The following FNTB variants were observed in gnomAD, a reference collection of about 807,000 sequenced individuals.
FNTB encodes farnesyltransferase, CAAX box, subunit beta, also known as protein farnesyltransferase subunit beta.
Under a neutral mutation model 59.4 loss-of-function variants are expected in FNTB, and 27 were observed. That is an observed-to-expected ratio of 0.45 (90% CI 0.34 to 0.63). The LOEUF is 0.63. Ranked by LOEUF, FNTB falls within the 20% of genes least tolerant of loss-of-function variation. The pLI is 0.02. For synonymous variants in FNTB, 230 were observed against 220.7 expected, an observed-to-expected ratio of 1.04 and a Z score of -0.37; for missense variants, 449 against 559.6, an observed-to-expected ratio of 0.80 and a Z score of 1.99.
At chr14:65,041,300 G>T (rs919310481) in intron 8 of FNTB, among the ~76,000 whole-genome samples, 1 of 152,234 alleles carries the variant, frequency 6.6e-6, no homozygotes, top group African/African-American at 2.4e-5. Flanking sequence ...ATTACCTGCT[G>T]CACTGTGTAA....
Position 64,998,913 on chromosome 14 carries a change from C to T in FNTB, c.145-5336C>T, listed in dbSNP as rs527375771. On this transcript the variant is annotated intron_variant, in intron 1 of 11. Transcript: ENST00000246166. ...CATAATAGCCAAAAAATGGAAACAGCCAAATTGTCCACCAGCTGATAAACT... is the reference window on the plus strand; with the variant it reads ...CATAATAGCCAAAAAATGGAAACAGTCAAATTGTCCACCAGCTGATAAACT... 3.3e-5 allele frequency among the ~76,000 whole-genome samples: 5 copies of T among 152,186 alleles called. No homozygotes were observed. The East Asian group carries it at 9.7e-4, about 29-fold the overall frequency.
At chr14:65,004,408 G>A in intron 2 of FNTB, 95 bp downstream of exon 2, 1 of 1,289,356 alleles carries the variant, frequency 7.8e-7, no homozygotes, top group Non-Finnish European at 1.1e-6. Flanking sequence ...ACCACGGGGA[G>A]CATCTGCTGC....
rs1218503954 is a variant in FNTB, at chr14:65,030,028, T to A, written c.605+2247T>A. ...CTGGGTGGAGGGAAAGGGGGAGAAA[T>A]ACATGAAAAGGTTGTATTACGTTTC... On this transcript the variant is annotated intron_variant, in intron 6 of 11. Transcript: ENST00000246166. The surrounding 1 kb of genome is among the most constrained non-coding windows in gnomAD (Gnocchi z 4.5). 6.6e-6 allele frequency among the ~76,000 whole-genome samples: 1 copy of A among 151,946 alleles called. No homozygotes were observed. Among genetic ancestry groups the A allele is most frequent in the African/African-American group, 2.4e-5 (1 of 41,354 alleles).
intron 4 of FNTB, among the ~76,000 whole-genome samples, chr14:65,018,359 G>A (rs903050274): frequency 1.3e-5 from 2 of 152,148 alleles, no homozygotes; most frequent in Middle Eastern, 3.4e-3. Context: ...ATATTTGTAT[G>A]TTAAAATATA....
intron 1 of FNTB, among the ~76,000 whole-genome samples, chr14:65,002,217 C>G (rs532488816): frequency 6.6e-6 from 1 of 152,348 alleles, no homozygotes; most frequent in East Asian, 1.9e-4. Context: ...ATCCTGTTAA[C>G]CAGACGCTCC....
At chr14:65,053,190 A>T (rs776966445) in intron 9 of FNTB, 48 bp from the exon 10 acceptor site, 9 of 1,304,056 alleles carry the variant, frequency 6.9e-6, no homozygotes, top group Non-Finnish European at 8.9e-6. Flanking sequence ...GGTCATTGAT[A>T]CTTGGCTGGA....
At position 64,997,098 on chromosome 14, in the gene FNTB, T is replaced by G. The variant is rs1888425525; in HGVS notation, c.145-7151T>G. Among the ~76,000 whole-genome samples, 1 of 152,170 alleles carries G rather than the reference T, an allele frequency of 6.6e-6. No individual in the cohort carries two copies. ...GTCAGATTTCTCTGATGGTCGTAATTTTGGAAAGACAATCTCCCTTTAGAA... is the reference window on the plus strand; with the variant it reads ...GTCAGATTTCTCTGATGGTCGTAATGTTGGAAAGACAATCTCCCTTTAGAA... On this transcript the variant is annotated intron_variant, in intron 1 of 11. Coordinates refer to ENST00000246166, the MANE Select transcript of FNTB (RefSeq NM_002028.4). The surrounding 1 kb of genome is among the most constrained non-coding windows in gnomAD (Gnocchi z 4.5).
rs1481596704 is a variant in FNTB at position 65,012,170 on chromosome 14, C to A, written c.210-147C>A. ...TCTCTGGTTTAGTTGCTCTTTGGAA[C>A]CAGAGAAGTTGCTGGTTATCCAGTC... On this transcript the variant is annotated intron_variant, in intron 2 of 11. Transcript: ENST00000246166. The surrounding 1 kb of genome is among the most constrained non-coding windows in gnomAD (Gnocchi z 5.0). The A allele has an allele frequency of 1.1e-6, 1 of 881,620 alleles. No homozygotes were observed. Among genetic ancestry groups the A allele is most frequent in the Non-Finnish European group, 1.7e-6 (1 of 571,934 alleles). The allele number at this position is 881,620 out of a possible 1,614,324, so 54.6% of individuals were successfully genotyped here. A position where few individuals can be genotyped will look rare whatever the true frequency, so the allele number is the denominator to read the frequency against.
rs2062864756 is a variant in FNTB, at chr14:65,061,482, CACAGTGGCTGGTTTT to C, written c.*172_*186del. On this transcript the variant is annotated 3_prime_UTR_variant, in exon 12 of 12. Coordinates refer to ENST00000246166, the MANE Select transcript of FNTB (RefSeq NM_002028.4). ...AACCAATGGCTCTGGGTTTGGAGAA[CACAGTGGCTGGTTTT>C]AAAAATTCTTTCCACACCTGTCAAA... 8.3e-7 allele frequency: 1 copy of C among 1,201,836 alleles called. No individual in the cohort carries two copies. Among genetic ancestry groups the C allele is most frequent in the Non-Finnish European group, 1.1e-6 (1 of 894,734 alleles). 74.4% of individuals were successfully genotyped at this position (1,201,836 alleles called of 1,614,324 possible). A position where few individuals can be genotyped will look rare whatever the true frequency, so the allele number is the denominator to read the frequency against.
chr14:65,016,241 T>C (rs1331952254), intron 4 of FNTB, among the ~76,000 whole-genome samples: 1 of 152,200 alleles, frequency 6.6e-6, no homozygotes, highest in South Asian at 2.1e-4. Context: ...ACCTGATCGA[T>C]GATTAGAGAT....
In FNTB at chr14:64,997,787, C is replaced by T. The variant is rs1277759453; in HGVS notation, c.145-6462C>T. Among the ~76,000 whole-genome samples the T allele has an allele frequency of 1.3e-5, 2 of 152,182 alleles. No individual in the cohort carries two copies. Among genetic ancestry groups the T allele is most frequent in the African/African-American group, 4.8e-5 (2 of 41,442 alleles). ...GTGCCTTCTCCATTGGTAAGAGTTC[C>T]TAGTGGCTTAGAGTCATCCTTGTCT... On this transcript the variant is annotated intron_variant, in intron 1 of 11. Coordinates refer to ENST00000246166, the MANE Select transcript of FNTB (RefSeq NM_002028.4). The surrounding 1 kb of genome is among the most constrained non-coding windows in gnomAD (Gnocchi z 4.5).
At position 65,004,225 on chromosome 14, in the gene FNTB, T is replaced by C. The variant is rs760932142; in HGVS notation, c.145-24T>C. On this transcript the variant is annotated intron_variant, in intron 1 of 11. Transcript: ENST00000246166. ...GTCTCATCTGTATTTGTTTTCTCTC[T>C]CCTATCTCCTGCATCCTTACCAGGC... 15 of 1,610,738 alleles carry C rather than the reference T, an allele frequency of 9.3e-6. No homozygotes were observed. The Admixed American group carries it at 2.5e-4, about 27-fold the overall frequency.
At chr14:65,003,496 A>C (rs1358386588) in intron 1 of FNTB, 1 of 152,160 alleles carries the variant, frequency 6.6e-6, no homozygotes, top group African/African-American at 2.4e-5. Context: ...GGGTAACAAA[A>C]GAAAAACAAG....
rs1279803662 is a variant in FNTB at position 65,001,539 on chromosome 14, A to G, written c.145-2710A>G. ...CTGTAGTTAAGCTACTCGTGATTAT[A>G]TGGGAGGGTTGTATAGGTTTTGTGT... On this transcript the variant is annotated intron_variant, in intron 1 of 11. Coordinates refer to ENST00000246166, the MANE Select transcript of FNTB (RefSeq NM_002028.4). This position sits in a 1 kb window ranked among gnomAD's most constrained non-coding sequence, Gnocchi z 5.5. 1.3e-5 allele frequency among the ~76,000 whole-genome samples: 2 copies of G among 152,184 alleles called. No individual in the cohort carries two copies. Among genetic ancestry groups the G allele is most frequent in the Non-Finnish European group, 2.9e-5 (2 of 68,036 alleles).
rs73270838 is a variant in FNTB, at chr14:65,048,663, G to A, written c.955+4220G>A. ...AGCTCAGGAGTTCAAGACCAGCCTG[G>A]GCAATATAGTGAGAGCTTGTCTCTA... On this transcript the variant is annotated intron_variant, in intron 9 of 11. Transcript: ENST00000246166. Among the ~76,000 whole-genome samples the A allele has an allele frequency of 0.011, 1,611 of 152,260 alleles. 39 individuals are homozygous for A. In the East Asian group the frequency reaches 0.11, roughly 10 times the overall value.
At chr14:65,052,529 T>C (rs1019909628) in intron 9 of FNTB, among the ~76,000 whole-genome samples, 4 of 152,254 alleles carry the variant, frequency 2.6e-5, no homozygotes, top group African/African-American at 9.6e-5. Context: ...GATTTGTCCC[T>C]CCTTCCCACT....
intron 2 of FNTB, among the ~76,000 whole-genome samples, chr14:65,008,164 A>AT (rs1349377966): frequency 2.6e-5 from 4 of 152,140 alleles, no homozygotes; most frequent in African/African-American, 4.8e-5. Context: ...CCAGGTGCTT[A>AT]TTTTTTGACT....
Position 65,029,770 on chromosome 14 carries a change from C to A in FNTB, c.605+1989C>A, listed in dbSNP as rs2062045409. On this transcript the variant is annotated intron_variant, in intron 6 of 11. Coordinates refer to ENST00000246166, the MANE Select transcript of FNTB (RefSeq NM_002028.4). The surrounding 1 kb of genome is among the most constrained non-coding windows in gnomAD (Gnocchi z 4.7). ...ACAGGCTGGGAACAGGCTACAGAGG[C>A]CCTGAAATCTCCTATGGAGTCTGGA... Among the ~76,000 whole-genome samples, 1 of 152,084 alleles carries A rather than the reference C, an allele frequency of 6.6e-6. No individual in the cohort carries two copies. Among genetic ancestry groups the A allele is most frequent in the Non-Finnish European group, 1.5e-5 (1 of 68,004 alleles).
Position 65,031,403 on chromosome 14 carries a change from C to T in FNTB, c.606-1207C>T, listed in dbSNP as rs567190904. Among the ~76,000 whole-genome samples, 21 of 151,628 alleles carry T rather than the reference C, an allele frequency of 1.4e-4. No homozygotes were observed. Among genetic ancestry groups the T allele is most frequent in the Admixed American group, 1.1e-3 (16 of 15,236 alleles). On this transcript the variant is annotated intron_variant, in intron 6 of 11. Coordinates refer to ENST00000246166, the MANE Select transcript of FNTB (RefSeq NM_002028.4). This position sits in a 1 kb window ranked among gnomAD's most constrained non-coding sequence, Gnocchi z 4.6. ...CATGATCTTGGCTCACTGCAACCCC[C>T]GCCTCCCGGGTTCAAGTGGTTCTCC...
Sources: gnomAD v4.1 joint callset for allele counts (sites outside exome capture counted in the v4.1 genomes callset) on GRCh38, gnomAD v4.1.1 for gene constraint, Gnocchi (gnomAD v3.1) non-coding constraint, MANE v1.5 for transcripts, NCBI Gene and HGNC (gene_info 2026-07-23, HGNC 2026-07-21) for gene names.